The following MEGF10 variants were observed in gnomAD, a reference collection of about 807,000 sequenced individuals.
The protein encoded by MEGF10 is multiple epidermal growth factor-like domains protein 10.
Under a neutral mutation model 147.5 loss-of-function variants are expected in MEGF10, and 86 were observed. That is an observed-to-expected ratio of 0.58 (90% CI 0.49 to 0.70). MEGF10 has a LOEUF of 0.70. Among genes scored for constraint, MEGF10 ranks in the 30% least tolerant of loss-of-function variants. The pLI, the probability that MEGF10 is intolerant of heterozygous loss-of-function variation, is 0.00. For synonymous variants in MEGF10, 478 were observed against 525.5 expected (o/e 0.91, Z 1.24); for missense variants, 1,329 against 1,487.3 (o/e 0.89, Z 1.75).
At position 127,422,717 on chromosome 5, in the gene MEGF10, C is replaced by G. The variant is rs774408323; in HGVS notation, c.1638C>G (p.His546Gln). The change falls in exon 13 of 25, where the codon CAC becomes CAG. Residue 546 changes from histidine to glutamine, a missense_variant. Around this residue, in one of 3 missense-constraint regions of MEGF10, gnomAD observed 980 missense variants for 1,085.9 expected, o/e 0.90. Coordinates refer to ENST00000503335, the MANE Select transcript of MEGF10 (RefSeq NM_001256545.2). ...GTGCTGAGCGCTGCGACTGCAGCCA[C>G]GCAGATGGCTGCCACCCTACCACGG... ...LNCAERCDCS[H>Q]ADGCHPTTGH... The G allele has an allele frequency of 5.0e-6, 8 of 1,614,032 alleles. No homozygotes were observed. The South Asian group carries it at 7.7e-5, about 16-fold the overall frequency.
At chr5:127,230,109 A>AT in the MEGF10 span, among the ~76,000 whole-genome samples, 1 of 152,224 alleles carries the variant, frequency 6.6e-6, no homozygotes, top group Admixed American at 6.5e-5. Flanking sequence ...TAGTTTGTCC[A>AT]TGTCGTTCCC....
intron 2 of MEGF10, among the ~76,000 whole-genome samples, chr5:127,332,882 T>C (rs115738622): frequency 0.016 from 2,486 of 152,122 alleles, 35 homozygotes; most frequent in Non-Finnish European, 0.021. Context: ...CTTGGAGGGA[T>C]GATAGATTTG....
At chr5:127,386,161 C>T (rs10519937) in intron 5 of MEGF10, among the ~76,000 whole-genome samples, 27,438 of 152,108 alleles carry the variant, frequency 0.18, 2,625 homozygotes, top group African/African-American at 0.25. Context: ...GCTCAGTTCA[C>T]CTAGGGTTTG....
In MEGF10 at chr5:127,294,835, T is replaced by TAATAATAATAATAAAA. The variant is rs56033520; in HGVS notation, c.-19+3781_-19+3782insTAATAATAATAAAAAA. 1.6e-4 allele frequency among the ~76,000 whole-genome samples: 23 copies of TAATAATAATAATAAAA among 143,138 alleles called. 1 individual carries two copies. The highest frequency in any genetic ancestry group is 1.0e-3 in the East Asian group (5 of 4,948). 93.9% of individuals were successfully genotyped at this position (143,138 alleles called of 152,430 possible). The stretch of plus-strand genomic sequence containing the variant: ...ATAATAATAATAATAATAATAATAA[T>TAATAATAATAATAAAA]AAATAACTTGGAGTAGAAAAAGGAC... On this transcript the variant is annotated intron_variant, in intron 1 of 24. Transcript: ENST00000503335.
At chr5:127,433,218 T>C in intron 13 of MEGF10, 145 bp from the exon 14 acceptor site, 1 of 873,344 alleles carries the variant, frequency 1.1e-6, no homozygotes, top group Non-Finnish European at 1.8e-6. Context: ...TGTGTATTGA[T>C]GTTTATAAGA....
At position 127,299,625 on chromosome 5, in the gene MEGF10, C is replaced by T. The variant is rs571899466; in HGVS notation, c.-19+8569C>T. ...CAGGATTGTTCTTTTAGCCTGATTA[C>T]TCCCTTTATGAAAAAGTATGTCATT... On this transcript the variant is annotated intron_variant, in intron 1 of 24. Transcript: ENST00000503335. Among the ~76,000 whole-genome samples the T allele has an allele frequency of 3.3e-5, 5 of 152,344 alleles. No homozygotes were observed. The South Asian group carries it at 8.3e-4, about 25-fold the overall frequency.
chr5:127,289,054 G>A (rs1031129223), upstream of MEGF10, among the ~76,000 whole-genome samples: 14 of 152,152 alleles, frequency 9.2e-5, no homozygotes, highest in African/African-American at 9.7e-5. Flanking sequence ...ACAGCTAAGC[G>A]GGCCAAATAT....
chr5:127,260,707 T>C, the MEGF10 span, among the ~76,000 whole-genome samples: 1 of 152,160 alleles, frequency 6.6e-6, no homozygotes, highest in African/African-American at 2.4e-5. Flanking sequence ...CCAATCAGAA[T>C]TTAGTTAGGA....
chr5:127,415,474 T>C (rs1764725199), intron 9 of MEGF10, among the ~76,000 whole-genome samples: 1 of 152,102 alleles, frequency 6.6e-6, no homozygotes, highest in African/African-American at 2.4e-5. Flanking sequence ...GGAAGGCTGT[T>C]CAGGAGGTGA....
At chr5:127,338,895 T>C (rs942759087) in intron 2 of MEGF10, among the ~76,000 whole-genome samples, 4 of 152,082 alleles carry the variant, frequency 2.6e-5, no homozygotes, top group African/African-American at 9.7e-5. Flanking sequence ...AGAATTTTCT[T>C]TAAAATTTAC....
chr5:127,415,896 C>CAAAAAA (rs1156648076), intron 9 of MEGF10, among the ~76,000 whole-genome samples: 103 of 55,546 alleles, frequency 1.9e-3, no homozygotes, highest in African/African-American at 5.6e-3. Context: ...GACTCCATCT[C>CAAAAAA]AAAAAAAAAA....
At chr5:127,246,937 ATT>A in the MEGF10 span, among the ~76,000 whole-genome samples, 12 of 1,624 alleles carry the variant, frequency 7.4e-3, no homozygotes, top group Non-Finnish European at 3.3e-3. Flanking sequence ...ATAATATATG[ATT>A]ATATTATATA....
chr5:127,399,400 G>T (rs539936031), intron 7 of MEGF10, among the ~76,000 whole-genome samples: 82 of 152,172 alleles, frequency 5.4e-4, no homozygotes, highest in Non-Finnish European at 1.1e-3. Context: ...AATACACAGT[G>T]ACAATTAGCT....
At chr5:127,293,285 A>G (rs1024982521) in intron 1 of MEGF10, among the ~76,000 whole-genome samples, 3 of 152,242 alleles carry the variant, frequency 2.0e-5, no homozygotes, top group Admixed American at 2.0e-4. Context: ...CAAAGTGAGT[A>G]ACAACATCGA....
At chr5:127,240,789 TAAAC>T in the MEGF10 span, among the ~76,000 whole-genome samples, 4 of 152,332 alleles carry the variant, frequency 2.6e-5, no homozygotes, top group East Asian at 3.9e-4. Context: ...TGTTGTCAAA[TAAAC>T]AAAGAATCAT....
intron 10 of MEGF10, among the ~76,000 whole-genome samples, chr5:127,418,760 T>G (rs1764872229): frequency 1.3e-5 from 2 of 152,226 alleles, no homozygotes; most frequent in Admixed American, 6.5e-5. Flanking sequence ...ATATTGATGT[T>G]TATTTATTGA....
At chr5:127,419,090 G>T (rs1300552740) in intron 10 of MEGF10, 30 bp from the exon 11 acceptor site, 1 of 1,581,602 alleles carries the variant, frequency 6.3e-7, no homozygotes, top group Non-Finnish European at 8.6e-7. Context: ...TGGCAAAATT[G>T]AATGCATTTT....
the MEGF10 span, among the ~76,000 whole-genome samples, chr5:127,237,225 G>T: frequency 1.3e-5 from 2 of 152,244 alleles, no homozygotes; most frequent in East Asian, 3.8e-4. Context: ...GGCCAGGCGT[G>T]GTGGCTCATG....
At chr5:127,358,233 A>G (rs1762346172) in intron 4 of MEGF10, among the ~76,000 whole-genome samples, 2 of 152,068 alleles carry the variant, frequency 1.3e-5, no homozygotes, top group South Asian at 4.1e-4. Flanking sequence ...GAGAGTGGAA[A>G]GAACATGAGG....
Sources: gnomAD v4.1 joint callset for allele counts (sites outside exome capture counted in the v4.1 genomes callset) on GRCh38, gnomAD v4.1.1 for gene constraint, gnomAD v4.1.1 regional missense constraint, MANE v1.5 for transcripts, NCBI Gene and HGNC (gene_info 2026-07-23, HGNC 2026-07-21) for gene names.